Variants in CRB1 observed in about 807,000 individuals in gnomAD.
The protein encoded by CRB1 is protein crumbs homolog 1.
Under a neutral mutation model 120.0 loss-of-function variants are expected in CRB1, and 83 were observed. The observed-to-expected ratio is 0.69, with a 90% CI of 0.58 to 0.83. CRB1 has a LOEUF of 0.83. CRB1 is among the 40% of genes least tolerant of loss of function. The pLI is 0.00. For synonymous variants in CRB1, 625 were observed against 612.5 expected, an observed-to-expected ratio of 1.02 and a Z score of -0.30; for missense variants, 1,699 against 1,687.6, an observed-to-expected ratio of 1.01 and a Z score of -0.12.
At chr1:197,231,234 T>C in the CRB1 span, among the ~76,000 whole-genome samples, 1,872 of 152,314 alleles carry the variant, frequency 0.012, 138 homozygotes, top group East Asian at 0.2. Flanking sequence ...TAAAGTCATA[T>C]GTTTATAATC....
rs1338231595 is a variant in CRB1 at position 197,478,053 on chromosome 1, T to C, written c.*174T>C. ...TTCACAGTGGTTCCGCTCGACACCA[T>C]TGTTTTATTATATTATATCAGCCAA... On this transcript the variant is annotated 3_prime_UTR_variant, in exon 12 of 12. Transcript: ENST00000367400. 2 of 698,074 alleles carry C rather than the reference T, an allele frequency of 2.9e-6. No individual in the cohort carries two copies. Among genetic ancestry groups the C allele is most frequent in the Admixed American group, 2.2e-5 (1 of 44,572 alleles). The allele number at this position is 698,074 out of a possible 1,614,324, so 43.2% of individuals were successfully genotyped here.
chr1:197,344,613 C>A, intron 3 of CRB1, 137 bp downstream of exon 3: 1 of 777,672 alleles, frequency 1.3e-6, no homozygotes, highest in East Asian at 2.6e-5. Flanking sequence ...CTGATGAAAA[C>A]ATTCAGATTT....
intron 4 of CRB1, among the ~76,000 whole-genome samples, chr1:197,351,634 A>G (rs1255752291): frequency 6.6e-6 from 1 of 152,204 alleles, no homozygotes; most frequent in East Asian, 1.9e-4. Context: ...AAATAACACT[A>G]AAGGCAGGGA....
chr1:197,244,619 G>T, the CRB1 span, among the ~76,000 whole-genome samples: 1 of 151,684 alleles, frequency 6.6e-6, no homozygotes, highest in Admixed American at 6.6e-5. Context: ...TCAAAACTTT[G>T]TCAATAATTT....
intron 5 of CRB1, among the ~76,000 whole-genome samples, chr1:197,370,041 G>A (rs568318146): frequency 3.3e-5 from 5 of 152,046 alleles, no homozygotes; most frequent in African/African-American, 1.2e-4. Context: ...TGTATCCAGC[G>A]AAACTGAGCC....
the CRB1 span, among the ~76,000 whole-genome samples, chr1:197,203,831 G>C: frequency 4.6e-5 from 7 of 152,200 alleles, no homozygotes; most frequent in Non-Finnish European, 8.8e-5. Flanking sequence ...TAGGGGAACA[G>C]GTGGTATTTG....
At chr1:197,228,623 G>A in the CRB1 span, among the ~76,000 whole-genome samples, 3 of 152,074 alleles carry the variant, frequency 2.0e-5, no homozygotes, top group Non-Finnish European at 2.9e-5. Context: ...ACATTTTCCC[G>A]GCTTCTTCTG....
chr1:197,324,246 A>G (rs1383607251), intron 1 of CRB1, among the ~76,000 whole-genome samples: 2 of 152,098 alleles, frequency 1.3e-5, no homozygotes, highest in African/African-American at 2.4e-5. Context: ...CTAAGCTTGC[A>G]TTTCTCAGAA....
the CRB1 span, among the ~76,000 whole-genome samples, chr1:197,206,119 A>G: frequency 6.6e-6 from 1 of 151,820 alleles, no homozygotes; most frequent in African/African-American, 2.4e-5. Context: ...TTTCATTTCT[A>G]ATTGTGCTTA....
chr1:197,329,044 CTCTT>C (rs775186140), intron 2 of CRB1, 41 bp downstream of exon 2: 15 of 1,547,254 alleles, frequency 9.7e-6, no homozygotes, highest in Non-Finnish European at 1.2e-5. Flanking sequence ...GTGTAGTTAG[CTCTT>C]TCTAAGTGGC....
intron 1 of CRB1, among the ~76,000 whole-genome samples, chr1:197,306,679 A>G (rs1657192460): frequency 6.6e-6 from 1 of 152,172 alleles, no homozygotes; most frequent in Non-Finnish European, 1.5e-5. Context: ...AAGAAGAGAG[A>G]AAAATTGGTC....
At chr1:197,253,056 G>GT in the CRB1 span, among the ~76,000 whole-genome samples, 1 of 151,982 alleles carries the variant, frequency 6.6e-6, no homozygotes, top group Non-Finnish European at 1.5e-5. Context: ...ATTGACACAT[G>GT]AAATTAACCA....
At chr1:197,261,018 T>C in the CRB1 span, among the ~76,000 whole-genome samples, 1 of 152,014 alleles carries the variant, frequency 6.6e-6, no homozygotes, top group Non-Finnish European at 1.5e-5. Flanking sequence ...TTTTAAAGAG[T>C]TAATTGAAAA....
intron 5 of CRB1, among the ~76,000 whole-genome samples, chr1:197,369,641 A>G (rs945087665): frequency 6.6e-6 from 1 of 152,156 alleles, no homozygotes. Flanking sequence ...CAATACCACT[A>G]TGACTTATAA....
intron 8 of CRB1, among the ~76,000 whole-genome samples, chr1:197,433,539 G>C (rs1166862506): frequency 6.6e-6 from 1 of 152,006 alleles, no homozygotes; most frequent in East Asian, 1.9e-4. Flanking sequence ...GAAAAATGAG[G>C]AATAATAGAG....
the CRB1 span, among the ~76,000 whole-genome samples, chr1:197,206,359 G>A: frequency 2.0e-5 from 3 of 152,050 alleles, no homozygotes; most frequent in Non-Finnish European, 2.9e-5. Flanking sequence ...GTCTATTTGT[G>A]CTCTTTCAGA....
At chr1:197,356,486 A>C (rs1316001395) in intron 4 of CRB1, among the ~76,000 whole-genome samples, 1 of 152,236 alleles carries the variant, frequency 6.6e-6, no homozygotes, top group Admixed American at 6.5e-5. Context: ...AGCTATTGAA[A>C]TATTTTTAAA....
chr1:197,274,656 G>A (rs1474574485), intron 1 of CRB1, among the ~76,000 whole-genome samples: 1 of 152,060 alleles, frequency 6.6e-6, no homozygotes, highest in Non-Finnish European at 1.5e-5. Flanking sequence ...GTCTTTTATA[G>A]GATGCTATAA....
chr1:197,446,451 G>A (rs1041670769), intron 11 of CRB1, among the ~76,000 whole-genome samples: 2 of 152,164 alleles, frequency 1.3e-5, no homozygotes, highest in Middle Eastern at 3.2e-3. Context: ...CAGGGTGGCA[G>A]TGCTGAAAGA....
Sources: gnomAD v4.1 joint callset for allele counts (sites outside exome capture counted in the v4.1 genomes callset) on GRCh38, gnomAD v4.1.1 for gene constraint, MANE v1.5 for transcripts, NCBI Gene and HGNC (gene_info 2026-07-23, HGNC 2026-07-21) for gene names.